Variants in WDR37 observed in about 807,000 individuals in gnomAD.
WDR37 encodes WD repeat-containing protein 37.
In WDR37, 19 loss-of-function variants were observed where a neutral mutation model predicts 62.9. The ratio of observed to expected loss-of-function variants is 0.30; its 90% confidence interval spans 0.21 to 0.44. WDR37 has a LOEUF of 0.44. WDR37 is among the 20% of genes least tolerant of loss of function. The probability of loss-of-function intolerance (pLI) is 1.00; values close to 1 mark genes in which losing one functional copy is unlikely to be tolerated. For missense variants in WDR37, 474 were observed against 657.6 expected, an observed-to-expected ratio of 0.72 and a Z score of 3.05; for synonymous variants, 250 against 260.9, an observed-to-expected ratio of 0.96 and a Z score of 0.40.
intron 7 of WDR37, among the ~76,000 whole-genome samples, chr10:1,088,785 C>T (rs965707081): frequency 6.6e-6 from 1 of 151,914 alleles, no homozygotes; most frequent in Non-Finnish European, 1.5e-5. Flanking sequence ...TTGGGAAAAT[C>T]GTGGCAATTA....
chr10:1,071,947 C>T (rs1833744561), intron 1 of WDR37, among the ~76,000 whole-genome samples, 169 bp from the exon 2 acceptor site: 1 of 152,044 alleles, frequency 6.6e-6, no homozygotes, highest in Non-Finnish European at 1.5e-5. Flanking sequence ...TTAATAAAGG[C>T]TGTGGTCCCT....
intron 13 of WDR37, among the ~76,000 whole-genome samples, chr10:1,125,554 G>T: frequency 6.6e-6 from 1 of 152,204 alleles, no homozygotes; most frequent in Non-Finnish European, 1.5e-5. Context: ...TACAAATAAA[G>T]AAAACATGCA....
chr10:1,108,746 C>CT (rs1835107884), intron 11 of WDR37, among the ~76,000 whole-genome samples: 1 of 139,738 alleles, frequency 7.2e-6, no homozygotes, highest in Non-Finnish European at 1.6e-5. Context: ...GATGCCCCCC[C>CT]CCCCCGTGGA....
chr10:1,096,427 T>C (rs754433229), intron 9 of WDR37, 181 bp downstream of exon 9: 2 of 626,756 alleles, frequency 3.2e-6, no homozygotes, highest in Non-Finnish European at 5.7e-6. Flanking sequence ...TAAGGTTCAG[T>C]GAGGTTGCGT....
intron 7 of WDR37, among the ~76,000 whole-genome samples, chr10:1,089,596 C>T (rs1056024099): frequency 4.6e-5 from 7 of 152,096 alleles, no homozygotes; most frequent in African/African-American, 1.7e-4. Flanking sequence ...ATTCAGCCTT[C>T]CCGTGCTCAC....
chr10:1,078,449 C>T (rs1833940980), intron 3 of WDR37, among the ~76,000 whole-genome samples: 1 of 152,068 alleles, frequency 6.6e-6, no homozygotes, highest in South Asian at 2.1e-4. Flanking sequence ...ATTTATCAGA[C>T]AGTATAAAAA....
At chr10:1,125,263 C>T (rs2131694544) in intron 13 of WDR37, among the ~76,000 whole-genome samples, 1 of 151,892 alleles carries the variant, frequency 6.6e-6, no homozygotes, top group East Asian at 1.9e-4. Flanking sequence ...GTTGCCCAGG[C>T]TGGAGTGCAG....
chr10:1,092,536 A>G (rs1447913130), intron 7 of WDR37, among the ~76,000 whole-genome samples: 1 of 151,690 alleles, frequency 6.6e-6, no homozygotes, highest in Admixed American at 6.6e-5. Flanking sequence ...GTGCCCATCT[A>G]ATTTTTTGTA....
Position 1,105,628 on chromosome 10 carries a change from G to A in WDR37, c.1103+361G>A, listed in dbSNP as rs538762434. Among the ~76,000 whole-genome samples, 10 of 152,232 alleles carry A rather than the reference G, an allele frequency of 6.6e-5. No homozygotes were observed. The South Asian group carries it at 1.0e-3, about 16-fold the overall frequency. Reference sequence around the variant, plus strand: ...CGCGGGAGCTGTTACTCCTACCCACGGGGTGTCTCCTGGATCTTTTCCATC... The same window carrying A: ...CGCGGGAGCTGTTACTCCTACCCACAGGGTGTCTCCTGGATCTTTTCCATC... On this transcript the variant is annotated intron_variant, in intron 11 of 13. Coordinates refer to ENST00000263150, the MANE Select transcript of WDR37 (RefSeq NM_014023.4). The surrounding 1 kb of genome is among the most constrained non-coding windows in gnomAD (Gnocchi z 5.3).
Position 1,103,846 on chromosome 10 carries a change from TTC to T in WDR37, c.961+14_961+15del, listed in dbSNP as rs1268386129. ...GTTCACTCTCTGACAGGTGCCTGGG[TTC>T]TCTGAGTCCGCCGCCTCCTGGCTGT... On this transcript the variant is annotated intron_variant, in intron 10 of 13. Coordinates refer to ENST00000263150, the MANE Select transcript of WDR37 (RefSeq NM_014023.4). The surrounding 1 kb of genome is among the most constrained non-coding windows in gnomAD (Gnocchi z 6.3). 35 of 1,613,002 alleles carry T rather than the reference TTC, an allele frequency of 2.2e-5. 1 individual carries two copies. The highest frequency in any genetic ancestry group is 2.9e-5 in the Non-Finnish European group (34 of 1,179,060).
rs1047859299 is a variant in WDR37 at position 1,130,785 on chromosome 10, C to T, written c.*1441C>T. ...ACCGGTAGGTGCAGGTGCAGTAGGA[C>T]GTGGGACTTTTGGACCCGTCCTTTG... is the stretch of plus-strand genomic sequence containing the variant. On this transcript the variant is annotated 3_prime_UTR_variant, in exon 14 of 14. Transcript: ENST00000263150. 1.3e-5 allele frequency: 2 copies of T among 152,080 alleles called. No individual in the cohort carries two copies. The highest frequency in any genetic ancestry group is 2.4e-5 in the African/African-American group (1 of 41,388). The allele number at this position is 152,080 out of a possible 1,614,324, so 9.4% of individuals were successfully genotyped here.
intron 1 of WDR37, among the ~76,000 whole-genome samples, chr10:1,069,391 T>TATATATATATATATATA (rs200599689): frequency 2.9e-3 from 132 of 45,906 alleles, no homozygotes; most frequent in East Asian, 0.012. Context: ...ATATATATAT[T>TATATATATATATATATA]TTTTTTTTTT....
intron 7 of WDR37, among the ~76,000 whole-genome samples, chr10:1,088,960 C>T (rs1006631124): frequency 6.6e-6 from 1 of 152,122 alleles, no homozygotes; most frequent in Non-Finnish European, 1.5e-5. Flanking sequence ...TTTAATTTTC[C>T]CTTGGCCAGC....
chr10:1,084,984 C>T lies in WDR37; in HGVS notation c.532+446C>T, dbSNP rs149737634. 3.3e-3 allele frequency among the ~76,000 whole-genome samples: 504 copies of T among 152,342 alleles called. 4 individuals carry two copies. Among genetic ancestry groups the T allele is most frequent in the African/African-American group, 0.012 (479 of 41,584 alleles). On this transcript the variant is annotated intron_variant, in intron 6 of 13. Transcript: ENST00000263150. The stretch of plus-strand genomic sequence containing the variant: ...TTTGTTTTCTTTTTCTTATTTGAGA[C>T]GGAGTCTCGCTCTGTTGCCCAGGCT...
chr10:1,066,404 CCT>C (rs1554822534), intron 1 of WDR37, among the ~76,000 whole-genome samples: 2 of 152,192 alleles, frequency 1.3e-5, no homozygotes, highest in Non-Finnish European at 2.9e-5. Context: ...GCGTGAGCCA[CCT>C]CGCCCAGCCC....
chr10:1,085,335 C>T (rs756343140), intron 6 of WDR37, among the ~76,000 whole-genome samples: 2 of 151,536 alleles, frequency 1.3e-5, no homozygotes, highest in African/African-American at 2.4e-5. Flanking sequence ...TTTTTTCCCA[C>T]AAGTGGAGTG....
At chr10:1,086,640 A>G (rs1322013607) in intron 7 of WDR37, among the ~76,000 whole-genome samples, 1 of 152,172 alleles carries the variant, frequency 6.6e-6, no homozygotes, top group Non-Finnish European at 1.5e-5. Flanking sequence ...TTTGTAACTG[A>G]AATGTGTGCG....
At chr10:1,120,211 C>T (rs1183791074) in intron 11 of WDR37, among the ~76,000 whole-genome samples, 4 of 152,230 alleles carry the variant, frequency 2.6e-5, no homozygotes, top group South Asian at 2.1e-4. Flanking sequence ...TCGGAGACCC[C>T]GAGTGTGCAT....
Position 1,066,363 on chromosome 10 carries a change from A to G in WDR37, c.-40-5753A>G, listed in dbSNP as rs201001931. 7.2e-3 allele frequency among the ~76,000 whole-genome samples: 1,062 copies of G among 146,966 alleles called. 22 individuals are homozygous for G. The highest frequency in any genetic ancestry group is 0.047 in the East Asian group (242 of 5,164). ...GAAGTCCTGACCTTGTGATCCGTCC[A>G]CCTTGACCTCCCAAAGTGCTGGGAT... On this transcript the variant is annotated intron_variant, in intron 1 of 13. Coordinates refer to ENST00000263150, the MANE Select transcript of WDR37 (RefSeq NM_014023.4).
Sources: allele counts gnomAD v4.1 joint callset (sites outside exome capture counted in the v4.1 genomes callset), GRCh38; gene constraint gnomAD v4.1.1; non-coding constraint Gnocchi (gnomAD v3.1); transcripts MANE v1.5; gene names NCBI Gene and HGNC (gene_info 2026-07-23, HGNC 2026-07-21).